PRKG1: variants seen among roughly 807,000 people sequenced by gnomAD.
PRKG1 encodes protein kinase cGMP-dependent 1.
A neutral mutation model predicts 88.1 loss-of-function variants in PRKG1; 35 were observed. The ratio of observed to expected loss-of-function variants is 0.40; its 90% confidence interval spans 0.30 to 0.53. The LOEUF is 0.53. Among genes scored for constraint, PRKG1 ranks in the 20% least tolerant of loss-of-function variants. PRKG1 has a pLI of 0.59. For missense variants in PRKG1, 540 were observed against 839.8 expected, an observed-to-expected ratio of 0.64 and a Z score of 4.41; for synonymous variants, 303 against 292.5, an observed-to-expected ratio of 1.04 and a Z score of -0.37.
At chr10:51,593,146 G>T (rs907077103) in intron 3 of PRKG1, among the ~76,000 whole-genome samples, 1 of 152,146 alleles carries the variant, frequency 6.6e-6, no homozygotes, top group East Asian at 1.9e-4. Flanking sequence ...CCATTTGGAG[G>T]TCTCTTCTAA....
chr10:51,431,762 G>A (rs576606920), intron 2 of PRKG1, among the ~76,000 whole-genome samples: 36 of 152,192 alleles, frequency 2.4e-4, no homozygotes, highest in African/African-American at 7.0e-4. Context: ...AGACAACACA[G>A]AAAGAAGGAC....
At chr10:52,050,147 C>A (rs945472488) in intron 5 of PRKG1, among the ~76,000 whole-genome samples, 11 of 152,050 alleles carry the variant, frequency 7.2e-5, no homozygotes, top group Admixed American at 5.9e-4. Flanking sequence ...ACTAGGGAAG[C>A]AGCAGTGAAG....
intron 3 of PRKG1, chr10:51,697,538 AG>A: frequency 1.4e-6 from 1 of 734,506 alleles, no homozygotes; most frequent in Non-Finnish European, 2.2e-6. Flanking sequence ...TAAAAAAAAA[AG>A]GAAAACAGAA....
intron 5 of PRKG1, among the ~76,000 whole-genome samples, chr10:52,006,209 C>T (rs1302214070): frequency 6.6e-6 from 1 of 152,182 alleles, no homozygotes; most frequent in Non-Finnish European, 1.5e-5. Context: ...ACTCTGGCAA[C>T]TCAAAAAGCC....
chr10:51,143,887 G>C (rs982663906), intron 1 of PRKG1, among the ~76,000 whole-genome samples: 2 of 151,904 alleles, frequency 1.3e-5, no homozygotes, highest in Non-Finnish European at 2.9e-5. Context: ...CTGGTCATGT[G>C]TATAGGAGGC....
rs551026834 is a variant in PRKG1, at chr10:51,350,517, T to G, written c.479-117206T>G. Among the ~76,000 whole-genome samples, 9 of 152,290 alleles carry G rather than the reference T, an allele frequency of 5.9e-5. No individual in the cohort carries two copies. In the South Asian group the frequency reaches 1.9e-3, roughly 32 times the overall value. On this transcript the variant is annotated intron_variant, in intron 2 of 17. Coordinates refer to ENST00000373980, the MANE Select transcript of PRKG1 (RefSeq NM_006258.4). ...AAAAAACTGGAAGCTTCTTTTCAGTTTTTAGAAAGGAGGCCCACTTTCAGC... is the reference window on the plus strand; with the variant it reads ...AAAAAACTGGAAGCTTCTTTTCAGTGTTTAGAAAGGAGGCCCACTTTCAGC...
intron 9 of PRKG1, among the ~76,000 whole-genome samples, chr10:52,165,034 A>C (rs1481833243): frequency 6.6e-6 from 1 of 152,182 alleles, no homozygotes; most frequent in Non-Finnish European, 1.5e-5. Context: ...TATTATTTAG[A>C]AAATGGTAAT....
At chr10:51,035,960 A>G (rs1371956304) in intron 1 of PRKG1, among the ~76,000 whole-genome samples, 1 of 152,156 alleles carries the variant, frequency 6.6e-6, no homozygotes, top group Non-Finnish European at 1.5e-5. Context: ...AATAATATTT[A>G]ACTCATATTT....
At chr10:51,222,156 G>A (rs1407060980) in intron 2 of PRKG1, among the ~76,000 whole-genome samples, 4 of 147,748 alleles carry the variant, frequency 2.7e-5, no homozygotes, top group Non-Finnish European at 4.5e-5. Context: ...AAAGTGTTGG[G>A]ATTACAGGCA....
At chr10:51,791,438 A>G (rs1322666195) in intron 3 of PRKG1, among the ~76,000 whole-genome samples, 3 of 152,126 alleles carry the variant, frequency 2.0e-5, no homozygotes, top group Non-Finnish European at 1.5e-5. Flanking sequence ...TAATAAACCC[A>G]TCAAATACTT....
chr10:51,190,026 C>T (rs1453801352), intron 2 of PRKG1, among the ~76,000 whole-genome samples: 18 of 151,844 alleles, frequency 1.2e-4, no homozygotes, highest in Admixed American at 1.2e-3. Context: ...ATACATGCGC[C>T]TTAGAAATGT....
At chr10:51,960,110 T>TA (rs1295772079) in intron 5 of PRKG1, among the ~76,000 whole-genome samples, 4 of 142,624 alleles carry the variant, frequency 2.8e-5, no homozygotes, top group African/African-American at 9.9e-5. Flanking sequence ...AAGACCTTTT[T>TA]ACTTTGGTTT....
At chr10:51,521,019 G>T (rs186970397) in intron 3 of PRKG1, among the ~76,000 whole-genome samples, 8 of 152,342 alleles carry the variant, frequency 5.3e-5, no homozygotes, top group Admixed American at 3.3e-4. Flanking sequence ...TCCTGGGCAT[G>T]GTGGCTCACG....
In PRKG1 at chr10:52,196,219, T is replaced by A. The variant is rs193055029; in HGVS notation, c.1076+34256T>A. Among the ~76,000 whole-genome samples, 11 of 152,172 alleles carry A rather than the reference T, an allele frequency of 7.2e-5. No individual in the cohort carries two copies. In the East Asian group the frequency reaches 2.1e-3, roughly 30 times the overall value. On this transcript the variant is annotated intron_variant, in intron 9 of 17. Coordinates refer to ENST00000373980, the MANE Select transcript of PRKG1 (RefSeq NM_006258.4). ...TTTTAGTAGAGACGGGGTTTCACCATGTTAGCCAGGATGGTCTCGATCTCC... is the reference window on the plus strand; with the variant it reads ...TTTTAGTAGAGACGGGGTTTCACCAAGTTAGCCAGGATGGTCTCGATCTCC...
intron 7 of PRKG1, chr10:52,125,713 TC>T (rs1316694422): frequency 6.6e-6 from 1 of 152,252 alleles, no homozygotes; most frequent in East Asian, 1.9e-4. Flanking sequence ...AATGTATTTT[TC>T]CTTCTTCACA....
intron 1 of PRKG1, among the ~76,000 whole-genome samples, chr10:51,097,418 T>C (rs1269237960): frequency 6.6e-6 from 1 of 152,054 alleles, no homozygotes; most frequent in Non-Finnish European, 1.5e-5. Context: ...AGACGGGGTT[T>C]TGCCATGTTG....
At chr10:51,614,683 T>C (rs543527213) in intron 3 of PRKG1, among the ~76,000 whole-genome samples, 1 of 152,176 alleles carries the variant, frequency 6.6e-6, no homozygotes, top group Non-Finnish European at 1.5e-5. Context: ...TTCTTTCTCT[T>C]TCTCATCTGT....
At chr10:51,313,678 T>C (rs1841249264) in intron 2 of PRKG1, among the ~76,000 whole-genome samples, 1 of 152,226 alleles carries the variant, frequency 6.6e-6, no homozygotes, top group African/African-American at 2.4e-5. Flanking sequence ...CATAGGGGGA[T>C]TGGTTCCAGG....
chr10:51,487,196 C>G (rs967104226), intron 3 of PRKG1, among the ~76,000 whole-genome samples: 13 of 152,094 alleles, frequency 8.5e-5, no homozygotes, highest in Admixed American at 8.5e-4. Flanking sequence ...AATGTAAACC[C>G]TTAAAGCTTA....
Sources: gnomAD v4.1 joint callset for allele counts (sites outside exome capture counted in the v4.1 genomes callset) on GRCh38, gnomAD v4.1.1 for gene constraint, MANE v1.5 for transcripts, NCBI Gene and HGNC (gene_info 2026-07-23, HGNC 2026-07-21) for gene names.